Variants in MIA observed in about 807,000 individuals in gnomAD.
MIA encodes MIA SH3 domain containing, also known as melanoma-derived growth regulatory protein.
MIA carries 18 observed loss-of-function variants against 18.5 expected under a neutral mutation model. The ratio of observed to expected loss-of-function variants is 0.97; its 90% confidence interval spans 0.67 to 1.44. The LOEUF is 1.44. MIA is among the 40% of genes most tolerant of loss of function. The pLI is 0.00. For missense variants in MIA, 158 were observed against 172.4 expected (o/e 0.92, Z 0.47); for synonymous variants, 55 against 64.9 (o/e 0.85, Z 0.74).
rs577492559 is a variant in MIA, at chr19:40,775,639, C to G, written c.97C>G (p.Arg33Gly). The G allele has an allele frequency of 6.2e-7, 1 of 1,614,098 alleles. No individual in the cohort carries two copies. Among genetic ancestry groups the G allele is most frequent in the East Asian group, 2.2e-5 (1 of 44,880 alleles). Residue 33 changes from arginine (R) to glycine (G), a missense_variant, in exon 1 of 4, where the codon CGG becomes GGG. Transcript: ENST00000263369. ...RGGPMPKLAD[R>G]KLCADQECSH... Reference sequence around the variant, plus strand: ...TGGTCCTATGCCCAAGCTGGCTGACCGGAAGCTGTGTGCGGACCAGGAGTG... The same window carrying G: ...TGGTCCTATGCCCAAGCTGGCTGACGGGAAGCTGTGTGCGGACCAGGAGTG...
chr19:40,776,780 G>T, intron 2 of MIA, 189 bp from the exon 3 acceptor site: 1 of 529,814 alleles, frequency 1.9e-6, no homozygotes. Flanking sequence ...ATGCGCTGCT[G>T]TGAGAATTAA....
intron 2 of MIA, among the ~76,000 whole-genome samples, chr19:40,776,462 G>A (rs897087943): frequency 6.6e-6 from 1 of 152,052 alleles, no homozygotes; most frequent in Non-Finnish European, 1.5e-5. Context: ...AAAAATAGCA[G>A]CAGCCGGGCA....
At chr19:40,776,008 CTTTAT>C (rs1270152659) in intron 2 of MIA, 123 bp downstream of exon 2, 45 of 1,315,702 alleles carry the variant, frequency 3.4e-5, no homozygotes, top group Admixed American at 1.0e-4. Flanking sequence ...TTGTTACTTA[CTTTAT>C]TTTATTTGCT....
intron 2 of MIA, 79 bp downstream of exon 2, chr19:40,775,964 G>T: frequency 1.3e-6 from 2 of 1,535,026 alleles, no homozygotes; most frequent in Non-Finnish European, 1.8e-6. Flanking sequence ...AAGATTTGAG[G>T]GGGGTGAACT....
At chr19:40,776,744 A>AAATAAT in intron 2 of MIA, 1 of 417,832 alleles carries the variant, frequency 2.4e-6, no homozygotes, top group Admixed American at 4.1e-5. Flanking sequence ...CCTGTTTCCA[A>AAATAAT]AATAATAATA....
Position 40,775,575 on chromosome 19 carries a change from CA to C in MIA, c.34del (p.Ile12SerfsTer51), listed in dbSNP as rs754068519. ...GGTCCCTGGTGTGCCTTGGTGTCATCATCTTGCTGTCTGCCTTCTCCGGACC... is the reference window on the plus strand; with the variant it reads ...GGTCCCTGGTGTGCCTTGGTGTCATCTCTTGCTGTCTGCCTTCTCCGGACC... ...ARSLVCLGVI[I>X]LLSAFSGPGV... is the part of the protein sequence containing the mutation. On this transcript the variant is annotated frameshift_variant, in exon 1 of 4. Coordinates refer to ENST00000263369, the MANE Select transcript of MIA (RefSeq NM_006533.4). LOFTEE classifies it high-confidence loss of function. 1.2e-6 allele frequency: 2 copies of C among 1,614,194 alleles called. No homozygotes were observed. Among genetic ancestry groups the C allele is most frequent in the Non-Finnish European group, 1.7e-6 (2 of 1,180,042 alleles).
Position 40,775,570 on chromosome 19 carries a change from G to T in MIA, c.28G>T (p.Val10Phe), listed in dbSNP as rs2082989333. The T allele has an allele frequency of 1.2e-6, 2 of 1,614,052 alleles. No individual in the cohort carries two copies. Among genetic ancestry groups the T allele is most frequent in the Non-Finnish European group, 1.7e-6 (2 of 1,180,030 alleles). MARSLVCLGVIILLSAFSGP... is the reference protein window; with the variant it reads MARSLVCLGFIILLSAFSGP... Reference sequence around the variant, plus strand: ...GGCCCGGTCCCTGGTGTGCCTTGGTGTCATCATCTTGCTGTCTGCCTTCTC... The same window carrying T: ...GGCCCGGTCCCTGGTGTGCCTTGGTTTCATCATCTTGCTGTCTGCCTTCTC... The change falls in exon 1 of 4, where the codon GTC (valine) becomes TTC (phenylalanine). Residue 10 changes from valine to phenylalanine, a missense_variant. Transcript: ENST00000263369.
At chr19:40,775,518 C>A (rs754793837), upstream of MIA, 4 of 1,613,480 alleles carry the variant, frequency 2.5e-6, no homozygotes, top group Non-Finnish European at 3.4e-6. Context: ...CACCCCCTTG[C>A]TCACTCTCTT....
chr19:40,777,179 T>TA, intron 3 of MIA, 100 bp downstream of exon 3: 1 of 1,161,206 alleles, frequency 8.6e-7, no homozygotes, highest in Non-Finnish European at 1.3e-6. Context: ...GCAGCCTAGG[T>TA]ATGTGCGCTG....
Position 40,777,033 on chromosome 19 carries a change from G to C in MIA, c.326G>C (p.Arg109Pro), listed in dbSNP as rs768087827. Residue 109 changes from arginine (R) to proline (P), a missense_variant, in exon 3 of 4, where the codon CGA (arginine) becomes CCA (proline). Arg to Pro is a moderately radical substitution (Grantham distance 103). Coordinates refer to ENST00000263369, the MANE Select transcript of MIA (RefSeq NM_006533.4). ...GGCTATTTCCCCAGTAGCATTGTCC[G>C]AGAGGACCAGACCCTGAAACCTGGC... ...RLGYFPSSIV[R>P]EDQTLKPGKV... The C allele has an allele frequency of 1.3e-5, 21 of 1,613,430 alleles. No homozygotes were observed. The Admixed American group carries it at 3.5e-4, about 27-fold the overall frequency.
At chr19:40,775,465 T>C, upstream of MIA, 3 of 1,600,604 alleles carry the variant, frequency 1.9e-6, no homozygotes, top group Non-Finnish European at 2.6e-6. Context: ...CAAGTTTCCT[T>C]GTACTACGGG....
At chr19:40,776,027 T>C in intron 2 of MIA, 142 bp downstream of exon 2, 2 of 1,245,750 alleles carry the variant, frequency 1.6e-6, no homozygotes, top group African/African-American at 3.0e-5. Flanking sequence ...ATTTGCTTAT[T>C]ATTTTTTAAT....
chr19:40,775,954 A>G, intron 2 of MIA, 69 bp downstream of exon 2: 1 of 1,564,254 alleles, frequency 6.4e-7, no homozygotes, highest in Non-Finnish European at 8.7e-7. Flanking sequence ...CCATGAAGGG[A>G]AGATTTGAGG....
Position 40,775,795 on chromosome 19 carries a change from C to T in MIA, c.171C>T (p.Pro57=), listed in dbSNP as rs2233156. Residue 57 remains proline (P), a synonymous_variant, in exon 2 of 4, where the codon CCC becomes CCT. Transcript: ENST00000263369. ...TGGCCCTTCAGGACTACATGGCCCC[C>T]GACTGCCGATTCCTGACCATTCACC... ...MAVALQDYMA[P]DCRFLTIHRG... 0.052 allele frequency: 83,196 copies of T among 1,613,938 alleles called. 2,716 individuals are homozygous for T. The highest frequency in any genetic ancestry group is 0.18 in the East Asian group (8,279 of 44,854).
chr19:40,776,302 G>T (rs1437978290), intron 2 of MIA, among the ~76,000 whole-genome samples: 1 of 152,046 alleles, frequency 6.6e-6, no homozygotes, highest in Admixed American at 6.6e-5. Flanking sequence ...TGGGATTACA[G>T]GTGTGAGCCA....
chr19:40,776,092 T>A (rs896581133), intron 2 of MIA, among the ~76,000 whole-genome samples: 10 of 152,190 alleles, frequency 6.6e-5, no homozygotes, highest in African/African-American at 2.4e-4. Flanking sequence ...AATGGCACGA[T>A]CTCGGCTCAC....
At position 40,775,832 on chromosome 19, in the gene MIA, G is replaced by T. The variant is rs2082991979; in HGVS notation, c.208G>T (p.Val70Leu). Residue 70 changes from valine to leucine, a missense_variant, in exon 2 of 4, where the codon GTG becomes TTG. By Grantham distance (32) the Val-to-Leu change is conservative. Coordinates refer to ENST00000263369, the MANE Select transcript of MIA (RefSeq NM_006533.4). ...RFLTIHRGQV[V>L]YVFSKLKGRG... Reference sequence around the variant, plus strand: ...CCTGACCATTCACCGGGGCCAAGTGGTGTATGTCTTCTCCAAGCTGAAGGG... The same window carrying T: ...CCTGACCATTCACCGGGGCCAAGTGTTGTATGTCTTCTCCAAGCTGAAGGG... 6.2e-7 allele frequency: 1 copy of T among 1,613,962 alleles called. No individual in the cohort carries two copies. The highest frequency in any genetic ancestry group is 8.5e-7 in the Non-Finnish European group (1 of 1,180,030).
rs375296959 is a variant in MIA, at chr19:40,775,831, G to A, written c.207G>A (p.Val69=). 1.2e-6 allele frequency: 2 copies of A among 1,614,076 alleles called. No homozygotes were observed. Among genetic ancestry groups the A allele is most frequent in the African/African-American group, 1.3e-5 (1 of 75,006 alleles). Residue 69 remains valine (V), a synonymous_variant, in exon 2 of 4, where the codon GTG becomes GTA. Coordinates refer to ENST00000263369, the MANE Select transcript of MIA (RefSeq NM_006533.4). ...TCCTGACCATTCACCGGGGCCAAGT[G>A]GTGTATGTCTTCTCCAAGCTGAAGG... is the stretch of plus-strand genomic sequence containing the variant. ...CRFLTIHRGQ[V]VYVFSKLKGR...
chr19:40,776,733 C>A, intron 2 of MIA: 1 of 394,762 alleles, frequency 2.5e-6, no homozygotes, highest in South Asian at 3.0e-5. Context: ...CACAATGAGA[C>A]CCTGTTTCCA....
Sources: gnomAD v4.1 joint callset for allele counts (sites outside exome capture counted in the v4.1 genomes callset) on GRCh38, gnomAD v4.1.1 for gene constraint, MANE v1.5 for transcripts, NCBI Gene and HGNC (gene_info 2026-07-23, HGNC 2026-07-21) for gene names.